ULK3: variants seen among roughly 807,000 people sequenced by gnomAD.
The protein encoded by ULK3 is unc-51 like kinase 3.
A neutral mutation model predicts 69.4 loss-of-function variants in ULK3; 54 were observed. That is an observed-to-expected ratio of 0.78 (90% confidence interval 0.63 to 0.98). The LOEUF is 0.98. Ranked by LOEUF, ULK3 falls within the 50% of genes least tolerant of loss-of-function variation. ULK3 has a pLI of 0.00. For missense variants in ULK3, 558 were observed against 627.7 expected, an observed-to-expected ratio of 0.89 and a Z score of 1.19; for synonymous variants, 240 against 254.5, an observed-to-expected ratio of 0.94 and a Z score of 0.54.
chr15:74,843,151 G>C lies in ULK3; in HGVS notation c.-46C>G. 5 of 1,153,686 alleles carry C rather than the reference G, an allele frequency of 4.3e-6. No individual in the cohort carries two copies. Among genetic ancestry groups the C allele is most frequent in the Non-Finnish European group, 5.5e-6 (5 of 917,080 alleles). 71.5% of individuals were successfully genotyped at this position (1,153,686 alleles called of 1,614,324 possible). ...CGGGCGCTTCCTCGCTGCGGGCGGC[G>C]GTTCCGGCGGGTTGCGGGGCGGGCC... On this transcript the variant is annotated 5_prime_UTR_variant, in exon 1 of 16. Transcript: ENST00000440863.
intron 4 of ULK3, 149 bp downstream of exon 4, chr15:74,841,256 A>G: frequency 1.6e-6 from 1 of 609,426 alleles, no homozygotes; most frequent in Non-Finnish European, 2.8e-6. Context: ...CCACCTTTTG[A>G]TGACAGGGCC....
At chr15:74,841,186 T>A (rs2064233267) in intron 4 of ULK3, among the ~76,000 whole-genome samples, 1 of 152,204 alleles carries the variant, frequency 6.6e-6, no homozygotes, top group African/African-American at 2.4e-5. Flanking sequence ...GGCCACAGAC[T>A]GAGCCCTAAC....
chr15:74,842,196 C>A lies in ULK3; in HGVS notation c.244-1G>T. On this transcript the variant is annotated splice_acceptor_variant, in intron 2 of 15. Transcript: ENST00000440863. LOFTEE classifies it high-confidence loss of function. This position sits in a 1 kb window ranked among gnomAD's most constrained non-coding sequence, Gnocchi z 4.9. Reference sequence around the variant, plus strand: ...TGAGGTAGATATTGTCACTGTCCCACTGTGTTTAGAGGCAGAGAGGCGGCC... The same window carrying A: ...TGAGGTAGATATTGTCACTGTCCCAATGTGTTTAGAGGCAGAGAGGCGGCC... 1.2e-6 allele frequency: 2 copies of A among 1,614,018 alleles called. No individual in the cohort carries two copies. Among genetic ancestry groups the A allele is most frequent in the Non-Finnish European group, 1.7e-6 (2 of 1,179,898 alleles).
At position 74,843,044 on chromosome 15, in the gene ULK3, C is replaced by T; in HGVS notation, c.62G>A (p.Gly21Asp). Reference protein sequence around the residue: ...LDGFILTERLGSGTYATVYKA... With the variant: ...LDGFILTERLDSGTYATVYKA... ...GTACACCGTGGCGTACGTGCCGCTG[C>T]CCAGGCGCTCGGTGAGGATGAAGCC... The change falls in exon 1 of 16, where the codon GGC becomes GAC. Residue 21 changes from glycine (G) to aspartate (D), a missense_variant. By Grantham distance (94) the Gly-to-Asp change is moderately conservative. Coordinates refer to ENST00000440863, the MANE Select transcript of ULK3 (RefSeq NM_001099436.4). The T allele has an allele frequency of 6.5e-7, 1 of 1,527,264 alleles. No individual in the cohort carries two copies. Among genetic ancestry groups the T allele is most frequent in the Non-Finnish European group, 8.8e-7 (1 of 1,135,454 alleles). 94.6% of individuals were successfully genotyped at this position (1,527,264 alleles called of 1,614,324 possible).
In ULK3 at chr15:74,842,630, C is replaced by T; in HGVS notation, c.103-210G>A. On this transcript the variant is annotated intron_variant, in intron 1 of 15. Coordinates refer to ENST00000440863, the MANE Select transcript of ULK3 (RefSeq NM_001099436.4). The surrounding 1 kb of genome is among the most constrained non-coding windows in gnomAD (Gnocchi z 4.9). The stretch of plus-strand genomic sequence containing the variant: ...CCTGGCTTCCCGACACAGCCTCAGC[C>T]TGGTCTTCTCCAACCCTCGGCTAGC... The T allele has an allele frequency of 6.5e-7, 1 of 1,538,414 alleles. No individual in the cohort carries two copies. Among genetic ancestry groups the T allele is most frequent in the South Asian group, 1.2e-5 (1 of 84,580 alleles).
chr15:74,842,079 T>C lies in ULK3; in HGVS notation c.360A>G (p.Gln120=), dbSNP rs770677033. 1.2e-6 allele frequency: 2 copies of C among 1,613,746 alleles called. No individual in the cohort carries two copies. The highest frequency in any genetic ancestry group is 1.7e-6 in the Non-Finnish European group (2 of 1,179,872). ...GCTGGTGTCACAGGCCTTTACCTAA[T>C]TGCTGCATGAAGACACGCGCCACCT... The part of the protein sequence containing the change: ...PEKVARVFMQ[Q]LASALQFLHE... The change falls in exon 3 of 16, where the codon CAA becomes CAG. Residue 120 remains glutamine, a synonymous_variant. Coordinates refer to ENST00000440863, the MANE Select transcript of ULK3 (RefSeq NM_001099436.4). The surrounding 1 kb of genome is among the most constrained non-coding windows in gnomAD (Gnocchi z 4.9).
At chr15:74,838,065 C>T in intron 13 of ULK3, 87 bp downstream of exon 13, 1 of 1,523,188 alleles carries the variant, frequency 6.6e-7, no homozygotes, top group Non-Finnish European at 8.9e-7. Flanking sequence ...GTGGGACATT[C>T]CAGAGGGAAC....
chr15:74,843,116 T>C lies in ULK3; in HGVS notation c.-11A>G, dbSNP rs761865329. ...GCCGGGCCCCGCCATTCCGGCCGCC[T>C]GCGCCCGCGCGGGCGCTTCCTCGCT... On this transcript the variant is annotated 5_prime_UTR_variant, in exon 1 of 16. Coordinates refer to ENST00000440863, the MANE Select transcript of ULK3 (RefSeq NM_001099436.4). 1.6e-6 allele frequency: 2 copies of C among 1,272,660 alleles called. No homozygotes were observed. Among genetic ancestry groups the C allele is most frequent in the Non-Finnish European group, 9.9e-7 (1 of 1,005,036 alleles). The allele number at this position is 1,272,660 out of a possible 1,614,324, so 78.8% of individuals were successfully genotyped here. A position where few individuals can be genotyped will look rare whatever the true frequency, so the allele number is the denominator to read the frequency against.
At chr15:74,840,829 C>T (rs2064220583) in intron 4 of ULK3, 188 bp from the exon 5 acceptor site, 1 of 742,992 alleles carries the variant, frequency 1.3e-6, no homozygotes, top group African/African-American at 1.8e-5. Flanking sequence ...ACCTACCCAT[C>T]CTTCCCAGCT....
chr15:74,839,870 G>C (rs1397264154), intron 6 of ULK3, among the ~76,000 whole-genome samples, 157 bp from the exon 7 acceptor site: 1 of 152,194 alleles, frequency 6.6e-6, no homozygotes, highest in Non-Finnish European at 1.5e-5. Flanking sequence ...GGAGCCAGCG[G>C]GGAGCGAGGC....
At chr15:74,841,670 G>T (rs1264837303) in intron 3 of ULK3, among the ~76,000 whole-genome samples, 161 bp from the exon 4 acceptor site, 1 of 152,080 alleles carries the variant, frequency 6.6e-6, no homozygotes, top group Admixed American at 6.5e-5. Context: ...CCACTTCTAG[G>T]AGTTTGCCAC....
chr15:74,841,340 T>C (rs2064238099), intron 4 of ULK3, 65 bp downstream of exon 4: 1 of 1,383,194 alleles, frequency 7.2e-7, no homozygotes, highest in East Asian at 2.3e-5. Flanking sequence ...GGCTGCTGAG[T>C]GAGCCCAGGC....
At chr15:74,841,161 G>A (rs1391709853) in intron 4 of ULK3, among the ~76,000 whole-genome samples, 2 of 152,184 alleles carry the variant, frequency 1.3e-5, no homozygotes, top group East Asian at 3.8e-4. Context: ...TGGACACACA[G>A]TGAGTCCCAA....
Position 74,842,257 on chromosome 15 carries a change from G to C in ULK3, c.243+23C>G, listed in dbSNP as rs780954594. 1.9e-6 allele frequency: 3 copies of C among 1,613,902 alleles called. No homozygotes were observed. In the South Asian group the frequency reaches 3.3e-5, roughly 18 times the overall value. On this transcript the variant is annotated intron_variant, in intron 2 of 15. Coordinates refer to ENST00000440863, the MANE Select transcript of ULK3 (RefSeq NM_001099436.4). This position sits in a 1 kb window ranked among gnomAD's most constrained non-coding sequence, Gnocchi z 4.9. ...GTCCCTTCTCCAGCTCCCTTTGGCA[G>C]CGGCCCCGCCCCAGGCTCACACCTG...
chr15:74,840,387 G>A, intron 5 of ULK3, 71 bp from the exon 6 acceptor site: 1 of 1,571,616 alleles, frequency 6.4e-7, no homozygotes, highest in East Asian at 2.4e-5. Context: ...CTCAGCAGGG[G>A]CCCTGGGCCA....
chr15:74,838,986 T>G, intron 9 of ULK3, 24 bp downstream of exon 9: 2 of 1,361,360 alleles, frequency 1.5e-6, no homozygotes, highest in Non-Finnish European at 2.1e-6. Context: ...GCCCCCCCAC[T>G]TCCTCATGGG....
chr15:74,838,584 C>A (rs566327683), intron 10 of ULK3, 59 bp downstream of exon 10: 14 of 1,580,316 alleles, frequency 8.9e-6, no homozygotes, highest in African/African-American at 2.7e-5. Context: ...CCCGCCTCCC[C>A]CTCAGGCTGT....
chr15:74,840,312 G>C lies in ULK3; in HGVS notation c.618C>G (p.Ala206=), dbSNP rs1320508699. The change falls in exon 6 of 16, where the codon GCC becomes GCG. Residue 206 remains alanine, a synonymous_variant. Transcript: ENST00000440863. Reference sequence around the variant, plus strand: ...AGGCAAAGGGGGGCTGCCCGAAGAGGGCTTCTGTGGAAGGGAGGCAGAGCG... The same window carrying C: ...AGGCAAAGGGGGGCTGCCCGAAGAGCGCTTCTGTGGAAGGGAGGCAGAGCG... ...LWSMGVILYE[A]LFGQPPFASR... is the part of the protein sequence containing the mutation. 6.2e-7 allele frequency: 1 copy of C among 1,608,584 alleles called. No individual in the cohort carries two copies. Among genetic ancestry groups the C allele is most frequent in the Non-Finnish European group, 8.5e-7 (1 of 1,177,706 alleles).
chr15:74,841,392 T>C lies in ULK3; in HGVS notation c.469+13A>G. 1 of 1,611,170 alleles carries C rather than the reference T, an allele frequency of 6.2e-7. No homozygotes were observed. Among genetic ancestry groups the C allele is most frequent in the South Asian group, 1.1e-5 (1 of 90,978 alleles). The stretch of plus-strand genomic sequence containing the variant: ...ACTCTCCAAACCTCATCCCTGCTGT[T>C]TCAGACACAGACCTGCCAGTTTTAG... On this transcript the variant is annotated intron_variant, in intron 4 of 15. Transcript: ENST00000440863.
Sources: gnomAD v4.1 joint callset for allele counts (sites outside exome capture counted in the v4.1 genomes callset) on GRCh38, gnomAD v4.1.1 for gene constraint, Gnocchi (gnomAD v3.1) non-coding constraint, MANE v1.5 for transcripts, NCBI Gene and HGNC (gene_info 2026-07-23, HGNC 2026-07-21) for gene names.